ZBTB49: variants seen among roughly 807,000 people sequenced by gnomAD.
ZBTB49 encodes zinc finger and BTB domain-containing protein 49.
A neutral mutation model predicts 57.5 loss-of-function variants in ZBTB49; 43 were observed. The observed-to-expected ratio is 0.75, with a 90% CI of 0.59 to 0.97. The LOEUF is 0.97. ZBTB49 is among the 50% of genes least tolerant of loss of function. The pLI is 0.00. For synonymous variants in ZBTB49, 369 were observed against 362.1 expected (o/e 1.02, Z -0.22); for missense variants, 938 against 947.7 (o/e 0.99, Z 0.13).
At chr4:4,312,854 T>C (rs962802615) in intron 4 of ZBTB49, among the ~76,000 whole-genome samples, 187 bp from the exon 5 acceptor site, 1 of 152,208 alleles carries the variant, frequency 6.6e-6, no homozygotes, top group African/African-American at 2.4e-5. Context: ...GTACAGCAGG[T>C]GGCCAGGCAC....
Position 4,315,859 on chromosome 4 carries a change from G to A in ZBTB49, c.1510G>A (p.Asp504Asn). The change falls in exon 7 of 8, where the codon GAT (aspartate) becomes AAT (asparagine). Residue 504 changes from aspartate to asparagine, a missense_variant. Asp to Asn is a conservative substitution (Grantham distance 23). This residue lies in a region of ZBTB49 where 835 missense variants were observed against 819.1 expected (regional missense o/e 1.02). Coordinates refer to ENST00000337872, the MANE Select transcript of ZBTB49 (RefSeq NM_145291.4). ...GGAGCACAAAAAGACACACACGGCT[G>A]ATAAAGTCTTCACCTGTGATGAGTG... ...LKEHKKTHTA[D>N]KVFTCDECGK... 1 of 1,614,238 alleles carries A rather than the reference G, an allele frequency of 6.2e-7. No individual in the cohort carries two copies. The highest frequency in any genetic ancestry group is 8.5e-7 in the Non-Finnish European group (1 of 1,180,046).
At chr4:4,295,544 ATAAACT>A (rs1373467144) in intron 1 of ZBTB49, among the ~76,000 whole-genome samples, 1 of 152,240 alleles carries the variant, frequency 6.6e-6, no homozygotes, top group Non-Finnish European at 1.5e-5. Flanking sequence ...TAAAAGAATG[ATAAACT>A]TAGAAGCCTT....
intron 4 of ZBTB49, among the ~76,000 whole-genome samples, chr4:4,310,589 A>C (rs1350291915): frequency 6.7e-6 from 1 of 149,268 alleles, no homozygotes; most frequent in Admixed American, 6.7e-5. Context: ...GGCTCACTGC[A>C]AGCTCCACCT....
chr4:4,315,792 T>G lies in ZBTB49; in HGVS notation c.1460-17T>G. On this transcript the variant is annotated splice_polypyrimidine_tract_variant and intron_variant, in intron 6 of 7. Transcript: ENST00000337872. Reference sequence around the variant, plus strand: ...GTTCTCTGTCCTTCAGCTTAACACCTGTTATGGTCTCTCTAGGGTTTAGTA... The same window carrying G: ...GTTCTCTGTCCTTCAGCTTAACACCGGTTATGGTCTCTCTAGGGTTTAGTA... The G allele has an allele frequency of 6.2e-7, 1 of 1,614,028 alleles. No individual in the cohort carries two copies. Among genetic ancestry groups the G allele is most frequent in the Non-Finnish European group, 8.5e-7 (1 of 1,179,908 alleles).
intron 1 of ZBTB49, among the ~76,000 whole-genome samples, chr4:4,296,700 G>A (rs1303820224): frequency 6.6e-6 from 1 of 152,174 alleles, no homozygotes; most frequent in South Asian, 2.1e-4. Context: ...AGTAAAGTGG[G>A]GCATGTAGAT....
chr4:4,312,919 A>G, intron 4 of ZBTB49, 122 bp from the exon 5 acceptor site: 1 of 1,102,742 alleles, frequency 9.1e-7, no homozygotes, highest in Non-Finnish European at 1.3e-6. Flanking sequence ...TGTGTAGCTC[A>G]TCTTCATCTG....
At chr4:4,306,347 ATTTCTAGTTCTTT>A (rs1720735227) in intron 4 of ZBTB49, among the ~76,000 whole-genome samples, 163 bp downstream of exon 4, 1 of 152,238 alleles carries the variant, frequency 6.6e-6, no homozygotes, top group Non-Finnish European at 1.5e-5. Context: ...AAGAAAACAG[ATTTCTAGTTCTTT>A]GAGAGAAAAA....
rs1721415292 is a variant in ZBTB49, at chr4:4,321,480, G to C, written c.*164G>C. On this transcript the variant is annotated 3_prime_UTR_variant, in exon 8 of 8. Transcript: ENST00000337872. Reference sequence around the variant, plus strand: ...ATAATCTGAAGCATCTTGAGCTGGGGGTGTGAGGGGGAGGGCCTGCTGGCT... The same window carrying C: ...ATAATCTGAAGCATCTTGAGCTGGGCGTGTGAGGGGGAGGGCCTGCTGGCT... 3 of 807,286 alleles carry C rather than the reference G, an allele frequency of 3.7e-6. No individual in the cohort carries two copies. The East Asian group carries it at 8.1e-5, about 22-fold the overall frequency. The allele number at this position is 807,286 out of a possible 1,614,324, so 50.0% of individuals were successfully genotyped here.
At chr4:4,306,350 T>C (rs1224690242) in intron 4 of ZBTB49, among the ~76,000 whole-genome samples, 166 bp downstream of exon 4, 2 of 152,244 alleles carry the variant, frequency 1.3e-5, no homozygotes, top group Non-Finnish European at 2.9e-5. Flanking sequence ...AAAACAGATT[T>C]CTAGTTCTTT....
At chr4:4,303,770 G>GTGTCTC (rs377326067) in intron 3 of ZBTB49, among the ~76,000 whole-genome samples, 1 of 25,332 alleles carries the variant, frequency 3.9e-5, no homozygotes, top group East Asian at 5.3e-4. Context: ...CTGTGTGTGT[G>GTGTCTC]TCTCTCTCTC....
At position 4,302,137 on chromosome 4, in the gene ZBTB49, GCA is replaced by G; in HGVS notation, c.304_305del (p.Gln102ValfsTer29). On this transcript the variant is annotated frameshift_variant, in exon 3 of 8. Coordinates refer to ENST00000337872, the MANE Select transcript of ZBTB49 (RefSeq NM_145291.4). LOFTEE classifies it high-confidence loss of function. Reference sequence around the variant, plus strand: ...CAATATACAAGTAATGCTGGACACAGCACAGTGTTTGCAAGTTCAAAATGTTC... The same window carrying G: ...CAATATACAAGTAATGCTGGACACAGCAGTGTTTGCAAGTTCAAAATGTTC... ...QDNIQVMLDTAQCLQVQNVLS... is the reference protein window; with the variant it reads ...QDNIQVMLDTXQCLQVQNVLS... 1 of 1,614,220 alleles carries G rather than the reference GCA, an allele frequency of 6.2e-7. No homozygotes were observed. The highest frequency in any genetic ancestry group is 8.5e-7 in the Non-Finnish European group (1 of 1,180,040).
At chr4:4,311,281 G>A (rs530171979) in intron 4 of ZBTB49, among the ~76,000 whole-genome samples, 3 of 152,278 alleles carry the variant, frequency 2.0e-5, no homozygotes, top group African/African-American at 7.2e-5. Flanking sequence ...ATTTCATTCA[G>A]AATACATAGT....
In ZBTB49 at chr4:4,302,921, T is replaced by A; in HGVS notation, c.1085T>A (p.Val362Asp). The A allele has an allele frequency of 6.2e-7, 1 of 1,614,078 alleles. No homozygotes were observed. Among genetic ancestry groups the A allele is most frequent in the Non-Finnish European group, 8.5e-7 (1 of 1,180,034 alleles). Residue 362 changes from valine to aspartate, a missense_variant, in exon 3 of 8, where the codon GTC becomes GAC. Val to Asp is a radical substitution (Grantham distance 152). Transcript: ENST00000337872. ...GAAGAAAAAGAAAGTGAAGAAGTCG[T>A]CAGTTGTGAGAATTTTAATTGCATT... ...SAEEKESEEV[V>D]SCENFNCISE...
intron 3 of ZBTB49, among the ~76,000 whole-genome samples, chr4:4,303,760 C>CTCTCTCTCTCTCTCTCTCTCTCTGTGTG (rs1223289249): frequency 2.5e-5 from 3 of 121,314 alleles, no homozygotes; most frequent in Non-Finnish European, 5.1e-5. Flanking sequence ...CTCTCTCTCT[C>CTCTCTCTCTCTCTCTCTCTCTCTGTGTG]TGTGTGTGTG....
chr4:4,313,686 TGAG>T (rs1202527285), intron 5 of ZBTB49, among the ~76,000 whole-genome samples: 1 of 152,146 alleles, frequency 6.6e-6, no homozygotes, highest in African/African-American at 2.4e-5. Context: ...GTGGTATAAA[TGAG>T]GAGCTCTTCC....
In ZBTB49 at chr4:4,315,852, C is replaced by T. The variant is rs1577247983; in HGVS notation, c.1503C>T (p.His501=). The T allele has an allele frequency of 6.2e-7, 1 of 1,614,240 alleles. No individual in the cohort carries two copies. Among genetic ancestry groups the T allele is most frequent in the Non-Finnish European group, 8.5e-7 (1 of 1,180,046 alleles). The change falls in exon 7 of 8, where the codon CAC becomes CAT. Residue 501 remains histidine, a synonymous_variant. Transcript: ENST00000337872. ...FSNLKEHKKT[H]TADKVFTCDE... is the part of the protein sequence containing the mutation. ...ATTTGAAGGAGCACAAAAAGACACA[C>T]ACGGCTGATAAAGTCTTCACCTGTG...
chr4:4,296,763 G>T (rs1276842627), intron 1 of ZBTB49, among the ~76,000 whole-genome samples: 1 of 152,180 alleles, frequency 6.6e-6, no homozygotes, highest in East Asian at 1.9e-4. Context: ...AGGAACCTAG[G>T]GGGAGGGCTT....
chr4:4,315,347 T>A (rs565944429), intron 5 of ZBTB49, among the ~76,000 whole-genome samples: 22 of 152,326 alleles, frequency 1.4e-4, no homozygotes, highest in African/African-American at 5.1e-4. Flanking sequence ...GTAGTGATGC[T>A]GAACCGTACG....
intron 7 of ZBTB49, 145 bp from the exon 8 acceptor site, chr4:4,320,495 C>T: frequency 1.1e-6 from 1 of 888,452 alleles, no homozygotes; most frequent in Non-Finnish European, 1.7e-6. Context: ...TGTATATTAG[C>T]CAGGCGTGGT....
Sources: allele counts gnomAD v4.1 joint callset (sites outside exome capture counted in the v4.1 genomes callset), GRCh38; gene constraint gnomAD v4.1.1; regional missense constraint gnomAD v4.1.1; transcripts MANE v1.5; gene names NCBI Gene and HGNC (gene_info 2026-07-23, HGNC 2026-07-21).